GPR158: variants seen among roughly 807,000 people sequenced by gnomAD.
The protein encoded by GPR158 is G protein-coupled receptor 158, also known as metabotropic glycine receptor.
A neutral mutation model predicts 78.2 loss-of-function variants in GPR158; 30 were observed. That is an observed-to-expected ratio of 0.38 (90% CI 0.29 to 0.52). The LOEUF (loss-of-function observed/expected upper bound fraction) is 0.52, where lower values mean the gene tolerates loss of function less well. GPR158 is among the 20% of genes least tolerant of loss of function. GPR158 has a pLI of 0.83. For synonymous variants in GPR158, 581 were observed against 591.1 expected (o/e 0.98, Z 0.25); for missense variants, 1,463 against 1,523.5 (o/e 0.96, Z 0.66).
At chr10:25,213,980 G>A (rs1156433124) in intron 1 of GPR158, among the ~76,000 whole-genome samples, 1 of 151,694 alleles carries the variant, frequency 6.6e-6, no homozygotes, top group Non-Finnish European at 1.5e-5. Context: ...TTTAATTCTT[G>A]AGTCTCCCTT....
intron 1 of GPR158, among the ~76,000 whole-genome samples, chr10:25,197,836 C>G (rs1250334059): frequency 1.3e-5 from 2 of 152,248 alleles, no homozygotes; most frequent in Admixed American, 1.3e-4. Flanking sequence ...TTGAATTAAA[C>G]AAGTCAATAA....
chr10:25,402,184 C>A (rs757724304), intron 3 of GPR158, among the ~76,000 whole-genome samples: 2 of 152,024 alleles, frequency 1.3e-5, no homozygotes, highest in Non-Finnish European at 2.9e-5. Flanking sequence ...AGTTAATAAT[C>A]TGAATCTAAT....
intron 5 of GPR158, among the ~76,000 whole-genome samples, chr10:25,488,579 T>C (rs148398342): frequency 1.3e-5 from 2 of 152,294 alleles, no homozygotes; most frequent in African/African-American, 2.4e-5. Context: ...GTTGCTGAGG[T>C]ACTGATTATG....
chr10:25,490,619 A>T (rs1011425898), intron 5 of GPR158, among the ~76,000 whole-genome samples: 1 of 150,624 alleles, frequency 6.6e-6, no homozygotes, highest in Non-Finnish European at 1.5e-5. Flanking sequence ...AAAGGACATG[A>T]ACTCATCCTT....
At chr10:25,344,811 A>G (rs1296544050) in intron 2 of GPR158, among the ~76,000 whole-genome samples, 1 of 151,986 alleles carries the variant, frequency 6.6e-6, no homozygotes, top group Non-Finnish European at 1.5e-5. Context: ...CTTATAAACA[A>G]CAGAAATTTA....
At chr10:25,551,806 A>T (rs1836729248) in intron 6 of GPR158, among the ~76,000 whole-genome samples, 1 of 152,170 alleles carries the variant, frequency 6.6e-6, no homozygotes, top group Admixed American at 6.6e-5. Context: ...AGCATAGGAG[A>T]TAAACAATAA....
chr10:25,437,606 C>CTA (rs1835014270), intron 4 of GPR158, among the ~76,000 whole-genome samples: 1 of 151,992 alleles, frequency 6.6e-6, no homozygotes. Context: ...AATATTAGAT[C>CTA]ATGCCCTAAC....
At chr10:25,552,819 A>G (rs1026143481) in intron 6 of GPR158, among the ~76,000 whole-genome samples, 1 of 152,180 alleles carries the variant, frequency 6.6e-6, no homozygotes, top group African/African-American at 2.4e-5. Flanking sequence ...CTGCGAGAGT[A>G]TGTTTAGGGG....
At chr10:25,486,337 C>T (rs1454499010) in intron 5 of GPR158, among the ~76,000 whole-genome samples, 1 of 150,756 alleles carries the variant, frequency 6.6e-6, no homozygotes, top group Admixed American at 6.6e-5. Flanking sequence ...CAGTTAGGAG[C>T]ATAGACTGTG....
intron 1 of GPR158, among the ~76,000 whole-genome samples, chr10:25,198,256 C>T (rs1484443874): frequency 6.6e-6 from 1 of 152,144 alleles, no homozygotes; most frequent in East Asian, 1.9e-4. Flanking sequence ...TACAGACCTT[C>T]CCAAGGAAGC....
intron 6 of GPR158, among the ~76,000 whole-genome samples, chr10:25,564,757 C>G (rs1409602299): frequency 1.3e-5 from 2 of 152,146 alleles, no homozygotes; most frequent in African/African-American, 4.8e-5. Flanking sequence ...TCAGATTCAG[C>G]TGTTTTTGTT....
In GPR158 at chr10:25,601,957, A is replaced by C. The variant is rs188176593; in HGVS notation, c.*2683A>C. On this transcript the variant is annotated 3_prime_UTR_variant, in exon 11 of 11. Transcript: ENST00000376351. The stretch of plus-strand genomic sequence containing the variant: ...GGTGGCAATATGGATTTGAAACTCG[A>C]CAGTTCTCTTGTATTTGCTTCCTAG... 2 of 152,744 alleles carry C rather than the reference A, an allele frequency of 1.3e-5. No individual in the cohort carries two copies. 9.5% of individuals were successfully genotyped at this position (152,744 alleles called of 1,614,324 possible).
chr10:25,307,800 ATTC>A (rs1277781845), intron 2 of GPR158, among the ~76,000 whole-genome samples: 4 of 152,040 alleles, frequency 2.6e-5, no homozygotes, highest in African/African-American at 4.8e-5. Flanking sequence ...TTATTTAATT[ATTC>A]TTCTATGTTT....
intron 2 of GPR158, among the ~76,000 whole-genome samples, chr10:25,245,256 C>G (rs1853673253): frequency 6.6e-6 from 1 of 152,182 alleles, no homozygotes; most frequent in South Asian, 2.1e-4. Flanking sequence ...ACCTGTTCTT[C>G]TATGGAGAAG....
chr10:25,441,559 C>T (rs1216188161), intron 4 of GPR158, among the ~76,000 whole-genome samples: 1 of 152,150 alleles, frequency 6.6e-6, no homozygotes, highest in African/African-American at 2.4e-5. Context: ...TTCAAAATCT[C>T]TTGTGCAGCC....
intron 5 of GPR158, among the ~76,000 whole-genome samples, chr10:25,517,540 C>G (rs1264430231): frequency 2.0e-5 from 3 of 152,000 alleles, no homozygotes; most frequent in Non-Finnish European, 4.4e-5. Context: ...TTTTGAAATA[C>G]GTCCCATCAA....
chr10:25,314,384 C>T (rs1854815364), intron 2 of GPR158, among the ~76,000 whole-genome samples: 1 of 152,186 alleles, frequency 6.6e-6, no homozygotes. Flanking sequence ...CAGGCATGAG[C>T]CACCACACCC....
chr10:25,230,399 T>C (rs1435957461), intron 2 of GPR158, among the ~76,000 whole-genome samples: 1 of 152,202 alleles, frequency 6.6e-6, no homozygotes, highest in African/African-American at 2.4e-5. Context: ...TCAACTGTAT[T>C]CAGAACTTAG....
intron 2 of GPR158, among the ~76,000 whole-genome samples, chr10:25,297,005 C>A (rs1026107694): frequency 6.6e-6 from 1 of 152,272 alleles, no homozygotes; most frequent in East Asian, 1.9e-4. Context: ...CTTCCTTTGG[C>A]ATATTTTTGT....
Sources: gnomAD v4.1 joint callset for allele counts (sites outside exome capture counted in the v4.1 genomes callset) on GRCh38, gnomAD v4.1.1 for gene constraint, MANE v1.5 for transcripts, NCBI Gene and HGNC (gene_info 2026-07-23, HGNC 2026-07-21) for gene names.